GALNT8: variants seen among roughly 807,000 people sequenced by gnomAD.
GALNT8 encodes the protein polypeptide N-acetylgalactosaminyltransferase 8, also known as probable polypeptide N-acetylgalactosaminyltransferase 8.
In GALNT8, 66 loss-of-function variants were observed where a neutral mutation model predicts 62.7. The observed-to-expected ratio is 1.05, with a 90% CI of 0.86 to 1.29. GALNT8 has a LOEUF of 1.29. Among genes scored for constraint, GALNT8 ranks in the 50% most tolerant of loss-of-function variants. The pLI is 0.00. For missense variants in GALNT8, 771 were observed against 791.8 expected (o/e 0.97, Z 0.32); for synonymous variants, 288 against 294.3 (o/e 0.98, Z 0.22).
chr12:4,765,568 G>C (rs753806484), intron 10 of GALNT8, 22 bp downstream of exon 10: 1 of 1,580,070 alleles, frequency 6.3e-7, no homozygotes, highest in East Asian at 2.2e-5. Flanking sequence ...GTTTTTGTTT[G>C]TTGGTTTGTT....
intron 1 of GALNT8, among the ~76,000 whole-genome samples, chr12:4,725,460 A>G (rs1946190479): frequency 1.3e-5 from 2 of 152,224 alleles, no homozygotes; most frequent in African/African-American, 4.8e-5. Flanking sequence ...CAATTGTTTA[A>G]AATATAGATT....
chr12:4,729,752 G>A (rs1946212869), intron 2 of GALNT8, among the ~76,000 whole-genome samples: 1 of 152,116 alleles, frequency 6.6e-6, no homozygotes, highest in Non-Finnish European at 1.5e-5. Context: ...ACCCAGTATA[G>A]GATTGCTAGA....
In GALNT8 at chr12:4,726,801, C is replaced by A; in HGVS notation, c.481C>A (p.Arg161Ser). Residue 161 changes from arginine (R) to serine (S), a missense_variant, in exon 2 of 11, where the codon CGC becomes AGC. Arg to Ser is a moderately radical substitution (Grantham distance 110). Coordinates refer to ENST00000252318, the MANE Select transcript of GALNT8 (RefSeq NM_017417.2). This position sits in a 1 kb window ranked among gnomAD's most constrained non-coding sequence, Gnocchi z 4.1. ...AYLSNQLPLNRTIPDTRDYRC... is the reference protein window; with the variant it reads ...AYLSNQLPLNSTIPDTRDYRC... Reference sequence around the variant, plus strand: ...CCTCAGCAACCAGCTGCCTCTCAATCGCACCATCCCCGACACGCGAGACTA... The same window carrying A: ...CCTCAGCAACCAGCTGCCTCTCAATAGCACCATCCCCGACACGCGAGACTA... 6.2e-7 allele frequency: 1 copy of A among 1,613,660 alleles called. No individual in the cohort carries two copies. The highest frequency in any genetic ancestry group is 8.5e-7 in the Non-Finnish European group (1 of 1,179,826).
Position 4,763,287 on chromosome 12 carries a change from G to C in GALNT8, c.1394G>C (p.Arg465Thr), listed in dbSNP as rs1396984698. ...SGIDFGDVSS[R>T]MALREKLKCK... Reference sequence around the variant, plus strand: ...ATAGATTTTGGAGACGTTTCTTCCAGAATGGCACTCCGGGAAAAACTGAAA... The same window carrying C: ...ATAGATTTTGGAGACGTTTCTTCCACAATGGCACTCCGGGAAAAACTGAAA... Residue 465 changes from arginine (R) to threonine (T), a missense_variant, in exon 8 of 11, where the codon AGA (arginine) becomes ACA (threonine). Coordinates refer to ENST00000252318, the MANE Select transcript of GALNT8 (RefSeq NM_017417.2). 1 of 1,612,084 alleles carries C rather than the reference G, an allele frequency of 6.2e-7. No individual in the cohort carries two copies. The highest frequency in any genetic ancestry group is 1.1e-5 in the South Asian group (1 of 91,030).
intron 9 of GALNT8, 120 bp downstream of exon 9, chr12:4,764,167 G>A: frequency 1.4e-6 from 1 of 716,700 alleles, no homozygotes; most frequent in East Asian, 2.5e-5. Context: ...GGAGCATCCT[G>A]GGTAAGGGTG....
At chr12:4,736,595 GAA>G (rs59029291) in intron 2 of GALNT8, among the ~76,000 whole-genome samples, 3 of 108,524 alleles carry the variant, frequency 2.8e-5, no homozygotes, top group Non-Finnish European at 4.0e-5. Flanking sequence ...GAAGAGAAAA[GAA>G]AAAAAAAAAA....
intron 10 of GALNT8, among the ~76,000 whole-genome samples, chr12:4,769,609 A>G (rs188613478): frequency 6.6e-6 from 1 of 152,266 alleles, no homozygotes; most frequent in Non-Finnish European, 1.5e-5. Flanking sequence ...ATTGGAAAAG[A>G]TGTATATAGA....
intron 2 of GALNT8, among the ~76,000 whole-genome samples, chr12:4,731,455 C>T (rs1200970792): frequency 2.6e-5 from 4 of 152,170 alleles, no homozygotes; most frequent in Admixed American, 6.5e-5. Context: ...ACACTTCTTT[C>T]CCAATTTTGA....
intron 6 of GALNT8, 96 bp from the exon 7 acceptor site, chr12:4,760,862 T>C: frequency 9.7e-7 from 1 of 1,031,078 alleles, no homozygotes; most frequent in Non-Finnish European, 1.5e-6. Context: ...GCTTACATTC[T>C]TTAAAAACGG....
chr12:4,751,883 A>C (rs750787401), intron 6 of GALNT8, among the ~76,000 whole-genome samples: 1 of 152,114 alleles, frequency 6.6e-6, no homozygotes, highest in Non-Finnish European at 1.5e-5. Context: ...ATTGGGGCCT[A>C]TCTCTCTATT....
intron 2 of GALNT8, among the ~76,000 whole-genome samples, chr12:4,728,903 A>T (rs1946208342): frequency 6.6e-6 from 1 of 152,154 alleles, no homozygotes; most frequent in African/African-American, 2.4e-5. Flanking sequence ...AACCAGCAGG[A>T]TTTTGACAGG....
intron 2 of GALNT8, among the ~76,000 whole-genome samples, chr12:4,737,070 T>C (rs957780640): frequency 6.6e-6 from 1 of 152,098 alleles, no homozygotes; most frequent in African/African-American, 2.4e-5. Flanking sequence ...AAAAGTACAA[T>C]AATAAAAATG....
chr12:4,741,593 C>T (rs887716807), intron 3 of GALNT8, among the ~76,000 whole-genome samples: 1 of 151,072 alleles, frequency 6.6e-6, no homozygotes, highest in Non-Finnish European at 1.5e-5. Flanking sequence ...AAAAAAAAGT[C>T]AATACTATAC....
intron 2 of GALNT8, among the ~76,000 whole-genome samples, chr12:4,737,253 G>T (rs1398360859): frequency 6.6e-6 from 1 of 152,212 alleles, no homozygotes; most frequent in Non-Finnish European, 1.5e-5. Flanking sequence ...AGACAGACAG[G>T]TGGATACAGA....
intron 9 of GALNT8, 115 bp from the exon 10 acceptor site, chr12:4,765,264 G>A: frequency 1.2e-6 from 1 of 841,370 alleles, no homozygotes; most frequent in Non-Finnish European, 1.8e-6. Context: ...GGTGTGACTG[G>A]GTGTCTAGGG....
chr12:4,755,379 G>A (rs974667942), intron 6 of GALNT8, among the ~76,000 whole-genome samples: 2 of 152,196 alleles, frequency 1.3e-5, no homozygotes, highest in Non-Finnish European at 2.9e-5. Context: ...TAACAGGACA[G>A]CACTGAGTTG....
chr12:4,764,158 G>C (rs1397663392), intron 9 of GALNT8, 111 bp downstream of exon 9: 2 of 741,646 alleles, frequency 2.7e-6, no homozygotes, highest in Non-Finnish European at 2.5e-6. Flanking sequence ...GGCAGGAGCG[G>C]AGCATCCTGG....
chr12:4,742,867 T>C (rs1188059717), intron 3 of GALNT8, among the ~76,000 whole-genome samples: 1 of 152,100 alleles, frequency 6.6e-6, no homozygotes, highest in Admixed American at 6.5e-5. Flanking sequence ...GAAGGGAGCA[T>C]AGGTTGTCTT....
Position 4,747,036 on chromosome 12 carries a change from A to T in GALNT8, c.1173+778A>T, listed in dbSNP as rs181658050. 3.0e-4 allele frequency among the ~76,000 whole-genome samples: 46 copies of T among 152,322 alleles called. 1 individual carries two copies. In the East Asian group the frequency reaches 8.1e-3, roughly 27 times the overall value. On this transcript the variant is annotated intron_variant, in intron 6 of 10. Transcript: ENST00000252318. The stretch of plus-strand genomic sequence containing the variant: ...CCCTGACAGCTTCCCATGCTTGTTT[A>T]GGTTAAATGAACAACCTAAATTTAA...
Sources: gnomAD v4.1 joint callset for allele counts (sites outside exome capture counted in the v4.1 genomes callset) on GRCh38, gnomAD v4.1.1 for gene constraint, Gnocchi (gnomAD v3.1) non-coding constraint, MANE v1.5 for transcripts, NCBI Gene and HGNC (gene_info 2026-07-23, HGNC 2026-07-21) for gene names.